THBS3: variants seen among roughly 807,000 people sequenced by gnomAD.
The protein encoded by THBS3 is thrombospondin 3.
THBS3 carries 78 observed loss-of-function variants against 118.3 expected under a neutral mutation model. The ratio of observed to expected loss-of-function variants is 0.66; its 90% CI spans 0.55 to 0.80. The LOEUF (loss-of-function observed/expected upper bound fraction) is 0.80. Among genes scored for constraint, THBS3 ranks in the 30% least tolerant of loss-of-function variants. THBS3 has a pLI of 0.00. For missense variants in THBS3, 1,057 were observed against 1,247.4 expected, an observed-to-expected ratio of 0.85 and a Z score of 2.30; for synonymous variants, 427 against 475.3, an observed-to-expected ratio of 0.90 and a Z score of 1.32.
In THBS3 at chr1:155,203,225, G is replaced by A. The variant is rs746677499; in HGVS notation, c.754C>T (p.Gln252Ter). The A allele has an allele frequency of 2.5e-6, 4 of 1,614,152 alleles. No individual in the cohort carries two copies. The highest frequency in any genetic ancestry group is 1.7e-5 in the Admixed American group (1 of 60,016). Reference sequence around the variant, plus strand: ...ACCCTTCGCCAGCCCACCCAAACCTGGTCTCGTATATCATCCCGCAGCTCC... The same window carrying A: ...ACCCTTCGCCAGCCCACCCAAACCTAGTCTCGTATATCATCCCGCAGCTCC... ...LVELRDDIRD[Q>*]VKEMSLIRNT... Residue 252 changes from glutamine (Q) to a stop codon, truncating the protein, a stop_gained and splice_region_variant, in exon 6 of 23, where the codon CAG (glutamine) becomes TAG (stop). Coordinates refer to ENST00000368378, the MANE Select transcript of THBS3 (RefSeq NM_007112.5). LOFTEE classifies it high-confidence loss of function.
Position 155,206,486 on chromosome 1 carries a change from C to T in THBS3, c.80-80G>A. The T allele has an allele frequency of 2.4e-6, 3 of 1,242,316 alleles. No homozygotes were observed. The highest frequency in any genetic ancestry group is 2.6e-5 in the South Asian group (2 of 77,534). The allele number at this position is 1,242,316 out of a possible 1,614,324, so 77.0% of individuals were successfully genotyped here. The stretch of plus-strand genomic sequence containing the variant: ...CCCTCCCCCGAGCCCACATCACCCC[C>T]TACCCCCACCACCAGGCAGCGTTAG... On this transcript the variant is annotated intron_variant, in intron 1 of 22. Coordinates refer to ENST00000368378, the MANE Select transcript of THBS3 (RefSeq NM_007112.5). The surrounding 1 kb of genome is among the most constrained non-coding windows in gnomAD (Gnocchi z 4.2).
chr1:155,196,286 G>A (rs1208512510), intron 21 of THBS3, 160 bp from the exon 22 acceptor site: 7 of 887,738 alleles, frequency 7.9e-6, no homozygotes, highest in African/African-American at 5.1e-5. Flanking sequence ...GAGAGGGAAG[G>A]GGGGTGCTTT....
At chr1:155,204,794 A>C (rs1372204302) in intron 4 of THBS3, 61 bp downstream of exon 4, 6 of 1,440,766 alleles carry the variant, frequency 4.2e-6, no homozygotes, top group Non-Finnish European at 5.9e-6. Context: ...TCAAGAAGAC[A>C]GGAGTCACCA....
In THBS3 at chr1:155,197,472, C is replaced by T; in HGVS notation, c.2490G>A (p.Leu830=). 1.2e-6 allele frequency: 2 copies of T among 1,612,756 alleles called. No homozygotes were observed. The highest frequency in any genetic ancestry group is 1.7e-6 in the Non-Finnish European group (2 of 1,179,894). ...TPFRAVAQPG[L]QLKAVTSVSG... is the part of the protein sequence containing the mutation. ...CTGAGCAGCTGGGGACCTTGAGCTGCAGCCCGGGCTGGGCAACCGCCCGGA... is the reference window on the plus strand; with the variant it reads ...CTGAGCAGCTGGGGACCTTGAGCTGTAGCCCGGGCTGGGCAACCGCCCGGA... The change falls in exon 20 of 23, where the codon CTG becomes CTA. Residue 830 remains leucine (L), a synonymous_variant. Transcript: ENST00000368378. This position sits in a 1 kb window ranked among gnomAD's most constrained non-coding sequence, Gnocchi z 5.0.
intron 10 of THBS3, 97 bp from the exon 11 acceptor site, chr1:155,201,666 A>T: frequency 7.4e-7 from 1 of 1,347,248 alleles, no homozygotes; most frequent in Non-Finnish European, 1.0e-6. Flanking sequence ...CTGGGCACTC[A>T]GTTATGCCAG....
Position 155,196,028 on chromosome 1 carries a change from TG to T in THBS3, c.2770del (p.Gln924LysfsTer4). On this transcript the variant is annotated frameshift_variant, in exon 22 of 23. Transcript: ENST00000368378. LOFTEE classifies it high-confidence loss of function. The part of the protein sequence containing the change: ...GGRLGVFCFS[Q>X]ENIIWSNLQY... ...GAGATTGGACCAAATTATGTTTTCT[TG>T]GGAGAAGCAGAATACACCAAGACGC... 1 of 1,614,170 alleles carries T rather than the reference TG, an allele frequency of 6.2e-7. No homozygotes were observed. The highest frequency in any genetic ancestry group is 8.5e-7 in the Non-Finnish European group (1 of 1,180,032).
rs1375229626 is a variant in THBS3 at position 155,206,650 on chromosome 1, A to G, written c.80-244T>C. 6.6e-6 allele frequency among the ~76,000 whole-genome samples: 1 copy of G among 152,054 alleles called. No individual in the cohort carries two copies. Among genetic ancestry groups the G allele is most frequent in the East Asian group, 1.9e-4 (1 of 5,170 alleles). On this transcript the variant is annotated intron_variant, in intron 1 of 22. Coordinates refer to ENST00000368378, the MANE Select transcript of THBS3 (RefSeq NM_007112.5). This position sits in a 1 kb window ranked among gnomAD's most constrained non-coding sequence, Gnocchi z 4.2. ...GCCAACACGGTGAAACCCCGTGTCT[A>G]CTAAAAATACAAAAACAACAACAAA...
chr1:155,199,887 CCT>C (rs755303158), intron 15 of THBS3, 31 bp from the exon 16 acceptor site: 1 of 1,614,112 alleles, frequency 6.2e-7, no homozygotes, highest in Non-Finnish European at 8.5e-7. Context: ...CTCACCATCT[CCT>C]CTTGATAACT....
Position 155,198,043 on chromosome 1 carries a change from T to G in THBS3, c.2252A>C (p.Gln751Pro), listed in dbSNP as rs140571546. The G allele has an allele frequency of 4.8e-5, 77 of 1,614,070 alleles. 1 individual carries two copies. The highest frequency in any genetic ancestry group is 5.1e-6 in the Non-Finnish European group (6 of 1,180,030). Residue 751 changes from glutamine (Q) to proline (P), a missense_variant and splice_region_variant, in exon 18 of 23, where the codon CAG becomes CCG. By Grantham distance (76) the Gln-to-Pro change is moderately conservative. Transcript: ENST00000368378. ...QIDPNWVVLNQGMEIVQTMNS... is the reference protein window; with the variant it reads ...QIDPNWVVLNPGMEIVQTMNS... ...GCCCAGCCCACTGCCCCGAGTTACCTGGTTGAGCACAACCCAGTTTGGGTC... is the reference window on the plus strand; with the variant it reads ...GCCCAGCCCACTGCCCCGAGTTACCGGGTTGAGCACAACCCAGTTTGGGTC...
chr1:155,203,334 A>G (rs1474329113), intron 5 of THBS3, 29 bp from the exon 6 acceptor site: 1 of 1,612,178 alleles, frequency 6.2e-7, no homozygotes, highest in Admixed American at 1.7e-5. Flanking sequence ...TGAGGGGTTC[A>G]GTACTGGAGC....
In THBS3 at chr1:155,206,276, A is replaced by G. The variant is rs1418373567; in HGVS notation, c.210T>C (p.Gly70=). 10 of 1,614,152 alleles carry G rather than the reference A, an allele frequency of 6.2e-6. No homozygotes were observed. Among genetic ancestry groups the G allele is most frequent in the Admixed American group, 3.3e-5 (2 of 60,020 alleles). The change falls in exon 2 of 23, where the codon GGT becomes GGC. Residue 70 remains glycine, a synonymous_variant. Transcript: ENST00000368378. The surrounding 1 kb of genome is among the most constrained non-coding windows in gnomAD (Gnocchi z 4.2). The part of the protein sequence containing the change: ...STFRLPPKQG[G]VLFGLYSRQD... Reference sequence around the variant, plus strand: ...GGCGAGAATAGAGGCCAAAGAGGACACCACCCTGCTTGGGGGGCAGGCGGA... The same window carrying G: ...GGCGAGAATAGAGGCCAAAGAGGACGCCACCCTGCTTGGGGGGCAGGCGGA...
chr1:155,203,513 C>T lies in THBS3; in HGVS notation c.673G>A (p.Gly225Arg). Residue 225 changes from glycine (G) to arginine (R), a missense_variant and splice_region_variant, in exon 5 of 23, where the codon GGG (glycine) becomes AGG (arginine). Physicochemically the swap from Gly to Arg is moderately radical, Grantham distance 125. Around this residue, in one of 3 missense-constraint regions of THBS3, gnomAD observed 544 missense variants for 715.6 expected, o/e 0.76. Coordinates refer to ENST00000368378, the MANE Select transcript of THBS3 (RefSeq NM_007112.5). ...AVTNALHSIL[G>R]EQTKALVTQL... ...TTCCGCTTCAGTGTGGCCTACTCACCTAGAATGGAGTGCAGTGCATTGGTC... is the reference window on the plus strand; with the variant it reads ...TTCCGCTTCAGTGTGGCCTACTCACTTAGAATGGAGTGCAGTGCATTGGTC... The T allele has an allele frequency of 6.2e-7, 1 of 1,613,748 alleles. No individual in the cohort carries two copies. The highest frequency in any genetic ancestry group is 8.5e-7 in the Non-Finnish European group (1 of 1,179,946).
At chr1:155,208,981 G>A, upstream of THBS3, 1 of 1,605,602 alleles carries the variant, frequency 6.2e-7, no homozygotes, top group Admixed American at 1.7e-5. Context: ...CTTGGACGAG[G>A]CGCCGTGACT....
intron 7 of THBS3, 57 bp downstream of exon 7, chr1:155,203,029 C>T (rs917146395): frequency 2.8e-5 from 45 of 1,613,992 alleles, no homozygotes; most frequent in Middle Eastern, 1.6e-4. Flanking sequence ...AAAGCCAAAG[C>T]CATTGGGTGG....
chr1:155,198,333 C>T (rs1669047867), intron 17 of THBS3, 76 bp downstream of exon 17: 3 of 1,587,526 alleles, frequency 1.9e-6, no homozygotes, highest in Non-Finnish European at 2.6e-6. Context: ...CCCTTCCTCA[C>T]TTCCCAACAG....
In THBS3 at chr1:155,207,884, A is replaced by C. The variant is rs1194711746; in HGVS notation, c.-8T>G. ...AAGTTCCTGCGTCTCCATGCCTCTC[A>C]GCCGGCTCACTACCCCTGGCAGGCA... On this transcript the variant is annotated 5_prime_UTR_variant, in exon 1 of 23. Coordinates refer to ENST00000368378, the MANE Select transcript of THBS3 (RefSeq NM_007112.5). 1 of 1,613,472 alleles carries C rather than the reference A, an allele frequency of 6.2e-7. No individual in the cohort carries two copies. Among genetic ancestry groups the C allele is most frequent in the African/African-American group, 1.3e-5 (1 of 75,008 alleles).
chr1:155,200,689 C>G, intron 13 of THBS3, 79 bp from the exon 14 acceptor site: 4 of 1,578,662 alleles, frequency 2.5e-6, no homozygotes, highest in Non-Finnish European at 3.4e-6. Context: ...GTCTCTGTAT[C>G]CTTTTCTAAG....
chr1:155,203,479 G>C, intron 5 of THBS3, 34 bp downstream of exon 5: 1 of 1,612,200 alleles, frequency 6.2e-7, no homozygotes, highest in South Asian at 1.1e-5. Flanking sequence ...CCTCCTCCCC[G>C]CTCCCCGCTT....
At position 155,201,567 on chromosome 1, in the gene THBS3, G is replaced by C. The variant is rs755522108; in HGVS notation, c.1179C>G (p.Gly393=). Reference sequence around the variant, plus strand: ...GGCGGCAGGGACCACACTTGAAAGAGCCCTAAGAGTGGAGAGGCAGCATCT... The same window carrying C: ...GGCGGCAGGGACCACACTTGAAAGACCCCTAAGAGTGGAGAGGCAGCATCT... ...DPNSICTNTV[G]SFKCGPCRLG... Residue 393 remains glycine, a splice_region_variant and synonymous_variant, in exon 11 of 23, where the codon GGC becomes GGG. Coordinates refer to ENST00000368378, the MANE Select transcript of THBS3 (RefSeq NM_007112.5). 108 of 1,613,682 alleles carry C rather than the reference G, an allele frequency of 6.7e-5. 1 individual carries two copies. The East Asian group carries it at 2.3e-3, about 35-fold the overall frequency.
Sources: allele counts gnomAD v4.1 joint callset (sites outside exome capture counted in the v4.1 genomes callset), GRCh38; gene constraint gnomAD v4.1.1; regional missense constraint gnomAD v4.1.1; non-coding constraint Gnocchi (gnomAD v3.1); transcripts MANE v1.5; gene names NCBI Gene and HGNC (gene_info 2026-07-23, HGNC 2026-07-21).